LRRC7: variants seen among roughly 807,000 people sequenced by gnomAD.
LRRC7 encodes the protein leucine rich repeat containing 7, also known as leucine-rich repeat-containing protein 7.
LRRC7 carries 23 observed loss-of-function variants against 175.7 expected under a neutral mutation model. The observed-to-expected ratio is 0.13, with a 90% confidence interval of 0.09 to 0.19. The LOEUF is 0.19. Among genes scored for constraint, LRRC7 ranks in the 10% least tolerant of loss-of-function variants. The pLI, the probability that LRRC7 is intolerant of heterozygous loss-of-function variation, is 1.00. For synonymous variants in LRRC7, 685 were observed against 680.9 expected (o/e 1.01, Z -0.09); for missense variants, 1,354 against 1,904.7 (o/e 0.71, Z 5.38).
At chr1:69,624,222 G>T (rs80182986) in intron 1 of LRRC7, among the ~76,000 whole-genome samples, 11,634 of 152,078 alleles carry the variant, frequency 0.077, 673 homozygotes, top group African/African-American at 0.16. Flanking sequence ...AGACATTCTG[G>T]TGGACATGTA....
Position 70,131,786 on chromosome 1 carries a change from G to A in LRRC7, c.*9899G>A, listed in dbSNP as rs1173044056. On this transcript the variant is annotated 3_prime_UTR_variant, in exon 27 of 27. Coordinates refer to ENST00000651989, the MANE Select transcript of LRRC7 (RefSeq NM_001370785.2). ...TAGCCCAGTGTCTATACATTTACAT[G>A]GGTAAAAGAATGCCAATGTCTCTTT... 6.6e-6 allele frequency among the ~76,000 whole-genome samples: 1 copy of A among 152,100 alleles called. No individual in the cohort carries two copies. Among genetic ancestry groups the A allele is most frequent in the African/African-American group, 2.4e-5 (1 of 41,482 alleles).
At chr1:70,046,564 G>A (rs1263928618) in intron 22 of LRRC7, among the ~76,000 whole-genome samples, 1 of 152,074 alleles carries the variant, frequency 6.6e-6, no homozygotes, top group Middle Eastern at 3.4e-3. Context: ...ACATAAGCAG[G>A]GCAAGTAATG....
At chr1:69,716,155 GA>G (rs970655341) in intron 2 of LRRC7, 125 of 434,570 alleles carry the variant, frequency 2.9e-4, no homozygotes, top group South Asian at 1.6e-3. Flanking sequence ...CCCGCTACAT[GA>G]AAAAAAATGC....
intron 2 of LRRC7, among the ~76,000 whole-genome samples, chr1:69,706,858 T>C (rs33980914): frequency 0.079 from 11,990 of 152,278 alleles, 556 homozygotes; most frequent in East Asian, 0.14. Flanking sequence ...GAGATGTTTT[T>C]ATTCATTGAT....
rs200216282 is a variant in LRRC7 at position 69,779,031 on chromosome 1, T to C, written c.304-13012T>C. Among the ~76,000 whole-genome samples, 88 of 143,540 alleles carry C rather than the reference T, an allele frequency of 6.1e-4. 1 individual carries two copies. Among genetic ancestry groups the C allele is most frequent in the East Asian group, 3.2e-3 (12 of 3,746 alleles). The allele number at this position is 143,540 out of a possible 152,430, so 94.2% of individuals were successfully genotyped here. On this transcript the variant is annotated intron_variant, in intron 3 of 26. Coordinates refer to ENST00000651989, the MANE Select transcript of LRRC7 (RefSeq NM_001370785.2). Reference sequence around the variant, plus strand: ...ACACACACACAAACATATATATATATACACACACACACACACAGATACATA... The same window carrying C: ...ACACACACACAAACATATATATATACACACACACACACACACAGATACATA...
chr1:69,572,651 A>T (rs1191681382), intron 1 of LRRC7, among the ~76,000 whole-genome samples: 1 of 152,192 alleles, frequency 6.6e-6, no homozygotes, highest in Non-Finnish European at 1.5e-5. Context: ...GTGAAAGAGG[A>T]GTAAGAAAAA....
At chr1:70,106,089 C>A (rs1037034306) in intron 25 of LRRC7, among the ~76,000 whole-genome samples, 1 of 151,918 alleles carries the variant, frequency 6.6e-6, no homozygotes, top group Non-Finnish European at 1.5e-5. Flanking sequence ...AAATAACAAG[C>A]AAGAATATCA....
rs529587868 is a variant in LRRC7, at chr1:69,822,162, G to A, written c.422-3586G>A. 2.6e-5 allele frequency among the ~76,000 whole-genome samples: 4 copies of A among 152,156 alleles called. No homozygotes were observed. The East Asian group carries it at 7.8e-4, about 29-fold the overall frequency. Reference sequence around the variant, plus strand: ...TCTTAAGATTGCTTGCCCTTTCTCAGTCCCACAAAGCCAGGCTGTGTGCTG... The same window carrying A: ...TCTTAAGATTGCTTGCCCTTTCTCAATCCCACAAAGCCAGGCTGTGTGCTG... On this transcript the variant is annotated intron_variant, in intron 4 of 26. Coordinates refer to ENST00000651989, the MANE Select transcript of LRRC7 (RefSeq NM_001370785.2).
intron 7 of LRRC7, among the ~76,000 whole-genome samples, chr1:69,915,153 C>A (rs1423664611): frequency 6.6e-6 from 1 of 152,046 alleles, no homozygotes; most frequent in African/African-American, 2.4e-5. Flanking sequence ...GTGCATAAGG[C>A]CAAATGGCAA....
intron 26 of LRRC7, among the ~76,000 whole-genome samples, chr1:70,111,750 C>G (rs958026792): frequency 1.3e-5 from 2 of 152,070 alleles, no homozygotes; most frequent in African/African-American, 4.8e-5. Flanking sequence ...CAGTTGTAAC[C>G]TAAAACTCAC....
At chr1:70,002,524 C>T (rs188518418) in intron 11 of LRRC7, among the ~76,000 whole-genome samples, 1 of 152,266 alleles carries the variant, frequency 6.6e-6, no homozygotes, top group African/African-American at 2.4e-5. Flanking sequence ...GCCATGTCTT[C>T]TCAACTAGAA....
chr1:69,867,313 T>G (rs889299821), intron 7 of LRRC7, among the ~76,000 whole-genome samples: 7 of 152,194 alleles, frequency 4.6e-5, no homozygotes, highest in Non-Finnish European at 8.8e-5. Flanking sequence ...AATCACAATA[T>G]AGTTTTCTGA....
chr1:69,568,655 G>C lies in LRRC7; in HGVS notation c.2+14G>C. ...CCCGCCGGCGATGTGAGTAAGGCAC[G>C]CTCGCTCCGTGGCGGAGGGTGCTGC... On this transcript the variant is annotated intron_variant, in intron 1 of 26. Transcript: ENST00000651989. The C allele has an allele frequency of 7.5e-7, 1 of 1,341,660 alleles. No homozygotes were observed. Among genetic ancestry groups the C allele is most frequent in the Non-Finnish European group, 9.9e-7 (1 of 1,012,154 alleles). 83.1% of individuals were successfully genotyped at this position (1,341,660 alleles called of 1,614,324 possible).
At chr1:69,836,451 AT>A (rs1343916882) in intron 6 of LRRC7, among the ~76,000 whole-genome samples, 1 of 151,920 alleles carries the variant, frequency 6.6e-6, no homozygotes, top group African/African-American at 2.4e-5. Flanking sequence ...CTTAAGATAC[AT>A]TTTTTTCTTG....
intron 1 of LRRC7, among the ~76,000 whole-genome samples, chr1:69,586,825 T>C (rs902813006): frequency 1.3e-5 from 2 of 151,892 alleles, no homozygotes; most frequent in African/African-American, 4.8e-5. Flanking sequence ...CTTTGTTGAT[T>C]ATTTAGCATC....
At chr1:69,965,969 A>C (rs536962101) in intron 8 of LRRC7, among the ~76,000 whole-genome samples, 1 of 152,344 alleles carries the variant, frequency 6.6e-6, no homozygotes, top group African/African-American at 2.4e-5. Flanking sequence ...TAAAAGATTT[A>C]AATAAAAATG....
chr1:69,670,075 C>G (rs1280485315), intron 1 of LRRC7, among the ~76,000 whole-genome samples: 2 of 152,046 alleles, frequency 1.3e-5, no homozygotes, highest in African/African-American at 4.8e-5. Flanking sequence ...CAAAGTTGGT[C>G]TCTAGTGCCT....
chr1:69,926,954 C>G (rs190201722), intron 7 of LRRC7, among the ~76,000 whole-genome samples: 3,435 of 152,170 alleles, frequency 0.023, 120 homozygotes, highest in African/African-American at 0.079. Flanking sequence ...ACCGGTTGTT[C>G]CTTTCCATGT....
At position 70,082,498 on chromosome 1, in the gene LRRC7, T is replaced by C. The variant is rs115339971; in HGVS notation, c.4452+6200T>C. Among the ~76,000 whole-genome samples the C allele has an allele frequency of 4.2e-3, 640 of 152,270 alleles. 3 individuals are homozygous for C. The highest frequency in any genetic ancestry group is 0.014 in the African/African-American group (602 of 41,554). ...GACTCAACATCAGAAATTCTATCAA[T>C]TGACTTTATAAGTTGTGTGCAGTCA... is the stretch of plus-strand genomic sequence containing the variant. On this transcript the variant is annotated intron_variant, in intron 24 of 26. Coordinates refer to ENST00000651989, the MANE Select transcript of LRRC7 (RefSeq NM_001370785.2).
Sources: gnomAD v4.1 joint callset for allele counts (sites outside exome capture counted in the v4.1 genomes callset) on GRCh38, gnomAD v4.1.1 for gene constraint, MANE v1.5 for transcripts, NCBI Gene and HGNC (gene_info 2026-07-23, HGNC 2026-07-21) for gene names.